Variants in SERPINB5 observed in about 807,000 individuals in gnomAD.
The protein encoded by SERPINB5 is serpin family B member 5.
SERPINB5 carries 27 observed loss-of-function variants against 32.2 expected under a neutral mutation model. That is an observed-to-expected ratio of 0.84 (90% CI 0.62 to 1.16). The LOEUF is 1.16. Ranked by LOEUF, SERPINB5 falls within the 50% of genes most tolerant of loss-of-function variation. The pLI is 0.00. For missense variants in SERPINB5, 388 were observed against 436.3 expected, an observed-to-expected ratio of 0.89 and a Z score of 0.99; for synonymous variants, 154 against 157.4, an observed-to-expected ratio of 0.98 and a Z score of 0.16.
intron 6 of SERPINB5, 64 bp downstream of exon 6, chr18:63,499,351 A>G: frequency 7.3e-7 from 1 of 1,375,440 alleles, no homozygotes; most frequent in Non-Finnish European, 9.6e-7. Flanking sequence ...TTGTGCCAAC[A>G]GGTCTGTGTG....
chr18:63,481,048 G>C (rs1333505903), intron 1 of SERPINB5, among the ~76,000 whole-genome samples: 3 of 152,226 alleles, frequency 2.0e-5, no homozygotes, highest in African/African-American at 7.2e-5. Flanking sequence ...TCCGCCAATG[G>C]TGAGAGAAAG....
chr18:63,503,894 T>A lies in SERPINB5; in HGVS notation c.*172T>A. The A allele has an allele frequency of 4.8e-6, 3 of 628,294 alleles. No individual in the cohort carries two copies. The South Asian group carries it at 6.6e-5, about 14-fold the overall frequency. The allele number at this position is 628,294 out of a possible 1,614,324, so 38.9% of individuals were successfully genotyped here. A position where few individuals can be genotyped will look rare whatever the true frequency, so the allele number is the denominator to read the frequency against. ...TCACACAGATAGACCTTTTTTTTTTTTCCAATTCTATCTTTTGTTTCCTTT... is the reference window on the plus strand; with the variant it reads ...TCACACAGATAGACCTTTTTTTTTTATCCAATTCTATCTTTTGTTTCCTTT... On this transcript the variant is annotated 3_prime_UTR_variant, in exon 7 of 7. Transcript: ENST00000382771.
At chr18:63,486,846 G>A in intron 2 of SERPINB5, 100 bp from the exon 3 acceptor site, 1 of 1,239,104 alleles carries the variant, frequency 8.1e-7, no homozygotes, top group Non-Finnish European at 1.1e-6. Flanking sequence ...GGCAGGAGGA[G>A]TCTGTATGCC....
chr18:63,478,366 A>G (rs975969231), intron 1 of SERPINB5, among the ~76,000 whole-genome samples: 1 of 152,192 alleles, frequency 6.6e-6, no homozygotes, highest in Non-Finnish European at 1.5e-5. Context: ...GCTTCAGAGC[A>G]AAGCAGACGC....
In SERPINB5 at chr18:63,503,448, A is replaced by G. The variant is rs750757295; in HGVS notation, c.854A>G (p.Lys285Arg). The change falls in exon 7 of 7, where the codon AAG becomes AGG. Residue 285 changes from lysine to arginine, a missense_variant. Physicochemically the swap from Lys to Arg is conservative, Grantham distance 26. Coordinates refer to ENST00000382771, the MANE Select transcript of SERPINB5 (RefSeq NM_002639.5). ...KFKVEKMIDP[K>R]ACLENLGLKH... ...AAGGTGGAAAAGATGATTGATCCCA[A>G]GGCTTGTCTGGAAAATCTAGGGCTG... The G allele has an allele frequency of 6.2e-7, 1 of 1,614,240 alleles. No individual in the cohort carries two copies. Among genetic ancestry groups the G allele is most frequent in the Non-Finnish European group, 8.5e-7 (1 of 1,180,046 alleles).
chr18:63,499,272 C>A lies in SERPINB5; in HGVS notation c.720C>A (p.Ser240=). 1 of 1,580,014 alleles carries A rather than the reference C, an allele frequency of 6.3e-7. No individual in the cohort carries two copies. The highest frequency in any genetic ancestry group is 8.6e-7 in the Non-Finnish European group (1 of 1,162,124). Residue 240 remains serine (S), a synonymous_variant, in exon 6 of 7, where the codon TCC becomes TCA. Coordinates refer to ENST00000382771, the MANE Select transcript of SERPINB5 (RefSeq NM_002639.5). Reference sequence around the variant, plus strand: ...TACCCAAGGATGTGGAGGATGAGTCCACAGGCTTGGAGAAGGTAAGGAGAA... The same window carrying A: ...TACCCAAGGATGTGGAGGATGAGTCAACAGGCTTGGAGAAGGTAAGGAGAA... ...ILLPKDVEDE[S]TGLEKIEKQL...
intron 1 of SERPINB5, among the ~76,000 whole-genome samples, chr18:63,480,577 A>T (rs139257451): frequency 6.6e-6 from 1 of 152,334 alleles, no homozygotes; most frequent in East Asian, 1.9e-4. Context: ...TGGTCTGTGT[A>T]GGAAGTTTGT....
intron 1 of SERPINB5, among the ~76,000 whole-genome samples, chr18:63,482,008 G>A (rs566215678): frequency 1.3e-5 from 2 of 152,276 alleles, no homozygotes; most frequent in South Asian, 4.1e-4. Flanking sequence ...GTACTTATCA[G>A]GGACATATGG....
chr18:63,503,942 C>T lies in SERPINB5; in HGVS notation c.*220C>T, dbSNP rs560929180. 8.4e-5 allele frequency: 45 copies of T among 532,828 alleles called. No individual in the cohort carries two copies. Among genetic ancestry groups the T allele is most frequent in the East Asian group, 3.2e-4 (10 of 30,782 alleles). 33.0% of individuals were successfully genotyped at this position (532,828 alleles called of 1,614,324 possible). On this transcript the variant is annotated 3_prime_UTR_variant, in exon 7 of 7. Coordinates refer to ENST00000382771, the MANE Select transcript of SERPINB5 (RefSeq NM_002639.5). ...TTTTTTCCCATAAGACAATGACATA[C>T]GCTTTTAATGAAAAGGAATCACGTT...
At position 63,484,507 on chromosome 18, in the gene SERPINB5, A is replaced by G; in HGVS notation, c.79A>G (p.Asn27Asp). 1 of 1,614,190 alleles carries G rather than the reference A, an allele frequency of 6.2e-7. No homozygotes were observed. The highest frequency in any genetic ancestry group is 1.1e-5 in the South Asian group (1 of 91,080). ...KQLCEKEPLG[N>D]VLFSPICLST... The stretch of plus-strand genomic sequence containing the variant: ...ACTATGTGAAAAGGAGCCACTGGGC[A>G]ATGTCCTCTTCTCTCCAATCTGTCT... Residue 27 changes from asparagine to aspartate, a missense_variant, in exon 2 of 7, where the codon AAT becomes GAT. Physicochemically the swap from Asn to Asp is conservative, Grantham distance 23 (BLOSUM62 1). Coordinates refer to ENST00000382771, the MANE Select transcript of SERPINB5 (RefSeq NM_002639.5).
rs984355427 is a variant in SERPINB5, at chr18:63,503,858, A to G, written c.*136A>G. The G allele has an allele frequency of 7.1e-6, 6 of 840,486 alleles. No individual in the cohort carries two copies. The highest frequency in any genetic ancestry group is 1.1e-5 in the Non-Finnish European group (6 of 529,988). 52.1% of individuals were successfully genotyped at this position (840,486 alleles called of 1,614,324 possible). ...GATCAGGAAGCCGCCAGTACTTGTC[A>G]TATGTAGCCTTCACACAGATAGACC... On this transcript the variant is annotated 3_prime_UTR_variant, in exon 7 of 7. Transcript: ENST00000382771.
intron 6 of SERPINB5, among the ~76,000 whole-genome samples, chr18:63,501,662 A>C (rs1401616366): frequency 6.6e-6 from 1 of 152,214 alleles, no homozygotes; most frequent in Non-Finnish European, 1.5e-5. Flanking sequence ...TCCCACCAAC[A>C]GTGTAAAAGT....
chr18:63,484,763 T>TTTTTTG (rs1555670280), intron 2 of SERPINB5, among the ~76,000 whole-genome samples, 167 bp downstream of exon 2: 17 of 145,786 alleles, frequency 1.2e-4, no homozygotes, highest in African/African-American at 3.9e-4. Context: ...TTTTTTTTTT[T>TTTTTTG]GTGAGACAGG....
intron 3 of SERPINB5, among the ~76,000 whole-genome samples, chr18:63,487,316 CAAAT>C (rs1917232010): frequency 6.6e-6 from 1 of 152,156 alleles, no homozygotes; most frequent in African/African-American, 2.4e-5. Context: ...TTTTCTCTCT[CAAAT>C]AAATCTTACC....
chr18:63,496,421 C>T (rs943419943), intron 5 of SERPINB5, among the ~76,000 whole-genome samples: 1 of 152,128 alleles, frequency 6.6e-6, no homozygotes, highest in African/African-American at 2.4e-5. Flanking sequence ...TATTTATCAG[C>T]CAAATATTCA....
intron 6 of SERPINB5, among the ~76,000 whole-genome samples, chr18:63,502,759 C>T (rs1421182011): frequency 1.3e-5 from 2 of 152,082 alleles, no homozygotes; most frequent in Admixed American, 6.6e-5. Context: ...TGGCTCACAC[C>T]TTTAATCCCA....
At position 63,491,404 on chromosome 18, in the gene SERPINB5, CAAAAAAA is replaced by C. The variant is rs1555670766; in HGVS notation, c.425-1531_425-1525del. On this transcript the variant is annotated intron_variant, in intron 4 of 6. Transcript: ENST00000382771. ...GTGAGAAGAGAGAAACTGCGTCTCC[CAAAAAAA>C]AAAAAAAAAAAAAAAAAGAATAATG... is the stretch of plus-strand genomic sequence containing the variant. 2.7e-4 allele frequency among the ~76,000 whole-genome samples: 22 copies of C among 81,450 alleles called. 1 individual carries two copies. Among genetic ancestry groups the C allele is most frequent in the Admixed American group, 6.5e-4 (4 of 6,162 alleles). The allele number at this position is 81,450 out of a possible 152,430, so 53.4% of individuals were successfully genotyped here.
At chr18:63,484,739 A>AACTTTTTTTT (rs1917178477) in intron 2 of SERPINB5, 143 bp downstream of exon 2, 2 of 144,834 alleles carry the variant, frequency 1.4e-5, no homozygotes, top group Admixed American at 1.2e-4. Context: ...GACTCTCTTA[A>AACTTTTTTTT]TCTTTTTTTT....
At chr18:63,492,170 C>T (rs1240862174) in intron 4 of SERPINB5, among the ~76,000 whole-genome samples, 4 of 152,176 alleles carry the variant, frequency 2.6e-5, no homozygotes, top group African/African-American at 9.6e-5. Context: ...TAAGGGATCA[C>T]TCCCCTTGAA....
Sources: allele counts gnomAD v4.1 joint callset (sites outside exome capture counted in the v4.1 genomes callset), GRCh38; gene constraint gnomAD v4.1.1; transcripts MANE v1.5; gene names NCBI Gene and HGNC (gene_info 2026-07-23, HGNC 2026-07-21).